Variants in SEMA4F observed in about 807,000 individuals in gnomAD.
The protein encoded by SEMA4F is semaphorin-4F.
In SEMA4F, 51 loss-of-function variants were observed where a neutral mutation model predicts 78.4. That is an observed-to-expected ratio of 0.65 (90% CI 0.52 to 0.82). The LOEUF is 0.82. Among genes scored for constraint, SEMA4F ranks in the 40% least tolerant of loss-of-function variants. SEMA4F has a pLI of 0.00. For missense variants in SEMA4F, 938 were observed against 1,014.4 expected, an observed-to-expected ratio of 0.92 and a Z score of 1.02; for synonymous variants, 418 against 408.7, an observed-to-expected ratio of 1.02 and a Z score of -0.27.
In SEMA4F at chr2:74,673,670, T is replaced by G; in HGVS notation, c.671-7T>G. 1 of 1,613,534 alleles carries G rather than the reference T, an allele frequency of 6.2e-7. No homozygotes were observed. The highest frequency in any genetic ancestry group is 1.3e-5 in the African/African-American group (1 of 75,048). ...CTGTGAGGATCTGAGGCCACTGGTA[T>G]TCCCAGCCCCAGCCTTTGTCGCAGC... On this transcript the variant is annotated splice_polypyrimidine_tract_variant and splice_region_variant and intron_variant, in intron 6 of 13. Transcript: ENST00000357877.
chr2:74,666,640 T>A lies in SEMA4F; in HGVS notation c.550+3815T>A, dbSNP rs11126437. 8.0e-3 allele frequency among the ~76,000 whole-genome samples: 1,219 copies of A among 152,306 alleles called. 23 individuals are homozygous for A. Among genetic ancestry groups the A allele is most frequent in the African/African-American group, 0.027 (1,136 of 41,552 alleles). On this transcript the variant is annotated intron_variant, in intron 5 of 13. Transcript: ENST00000357877. Reference sequence around the variant, plus strand: ...TTTAAAAGTTTTTCCTGGTCTGACATAAGTGCTAGCATTTACTTGGGGCTT... The same window carrying A: ...TTTAAAAGTTTTTCCTGGTCTGACAAAAGTGCTAGCATTTACTTGGGGCTT...
Position 74,656,646 on chromosome 2 carries a change from C to T in SEMA4F, c.258C>T (p.Phe86=), listed in dbSNP as rs144632103. 266 of 1,614,046 alleles carry T rather than the reference C, an allele frequency of 1.6e-4. 4 individuals are homozygous for T. The Admixed American group carries it at 2.9e-3, about 18-fold the overall frequency. The change falls in exon 2 of 14, where the codon TTC becomes TTT. Residue 86 remains phenylalanine (F), a synonymous_variant. Transcript: ENST00000357877. ...ATGTTGGCGCCCGGGACACCATCTT[C>T]GCTTTATCCCTGCCCTTCTCAGGGG... ...TLYVGARDTI[F]ALSLPFSGER...
At chr2:74,661,848 C>A (rs1369309627) in intron 4 of SEMA4F, among the ~76,000 whole-genome samples, 1 of 152,166 alleles carries the variant, frequency 6.6e-6, no homozygotes, top group Non-Finnish European at 1.5e-5. Flanking sequence ...CACCATATGC[C>A]CACGCCAGTT....
At chr2:74,669,673 C>T (rs1684879947) in intron 5 of SEMA4F, among the ~76,000 whole-genome samples, 1 of 152,168 alleles carries the variant, frequency 6.6e-6, no homozygotes, top group Non-Finnish European at 1.5e-5. Flanking sequence ...TTGTAACTCT[C>T]CTTTAAAAGG....
At position 74,679,654 on chromosome 2, in the gene SEMA4F, A is replaced by G. The variant is rs375908869; in HGVS notation, c.1758A>G (p.Pro586=). 12 of 1,612,826 alleles carry G rather than the reference A, an allele frequency of 7.4e-6. No individual in the cohort carries two copies. In the African/African-American group the frequency reaches 9.3e-5, roughly 13 times the overall value. Residue 586 remains proline (P), a synonymous_variant, in exon 14 of 14, where the codon CCA becomes CCG. Coordinates refer to ENST00000357877, the MANE Select transcript of SEMA4F (RefSeq NM_004263.5). ...PVATAAHVVL[P]CSPSSAWASC... is the part of the protein sequence containing the mutation. ...CTACAGCTGCGCATGTGGTCTTGCC[A>G]TGTTCTCCAAGCTCAGCATGGGCAT...
chr2:74,704,196 A>G, the SEMA4F span, among the ~76,000 whole-genome samples: 1 of 151,836 alleles, frequency 6.6e-6, no homozygotes, highest in African/African-American at 2.4e-5. Flanking sequence ...GGGGCCTTAG[A>G]TGAGTCACTA....
chr2:74,654,640 G>T, intron 1 of SEMA4F, 119 bp downstream of exon 1: 2 of 829,570 alleles, frequency 2.4e-6, no homozygotes, highest in Non-Finnish European at 3.5e-6. Flanking sequence ...GGCGTTTCAC[G>T]CCGCCCACGC....
the SEMA4F span, among the ~76,000 whole-genome samples, chr2:74,695,606 G>A: frequency 3.9e-5 from 6 of 152,206 alleles, no homozygotes; most frequent in Non-Finnish European, 5.9e-5. Context: ...GAAACAGGAC[G>A]CTGTATTAAA....
intron 1 of SEMA4F, chr2:74,655,247 T>C (rs1013414832): frequency 2.8e-6 from 1 of 360,168 alleles, no homozygotes; most frequent in Admixed American, 3.7e-5. Context: ...TGTAAAGTTC[T>C]GCTTAAATGA....
the SEMA4F span, among the ~76,000 whole-genome samples, chr2:74,689,072 C>T: frequency 6.6e-6 from 1 of 150,724 alleles, no homozygotes; most frequent in Non-Finnish European, 1.5e-5. Context: ...AAGGTGTGTT[C>T]CAAATCTGAG....
chr2:74,689,907 C>A, the SEMA4F span, among the ~76,000 whole-genome samples: 1 of 152,214 alleles, frequency 6.6e-6, no homozygotes. Context: ...ACAAAATGAC[C>A]GAGCAGCCTC....
chr2:74,704,903 T>C, the SEMA4F span, among the ~76,000 whole-genome samples: 1 of 152,162 alleles, frequency 6.6e-6, no homozygotes, highest in Non-Finnish European at 1.5e-5. Context: ...ACTGCAGATG[T>C]CTTTGTTCTC....
rs1333076489 is a variant in SEMA4F, at chr2:74,679,867, C to T, written c.1971C>T (p.His657=). ...GSQRDAPSRA[H]TVGAGLAGFF... ...AGCGAGATGCTCCGAGCCGGGCCCA[C>T]ACAGTGGGGGCGGGACTGGCTGGCT... The change falls in exon 14 of 14, where the codon CAC becomes CAT. Residue 657 remains histidine (H), a synonymous_variant. Transcript: ENST00000357877. The T allele has an allele frequency of 4.3e-6, 7 of 1,614,114 alleles. No homozygotes were observed. The highest frequency in any genetic ancestry group is 1.3e-5 in the African/African-American group (1 of 74,956).
chr2:74,703,450 C>T, the SEMA4F span, among the ~76,000 whole-genome samples: 2 of 152,308 alleles, frequency 1.3e-5, no homozygotes, highest in East Asian at 3.9e-4. Context: ...GAAAAGTCTC[C>T]TGAAGGGAGT....
the SEMA4F span, among the ~76,000 whole-genome samples, chr2:74,701,730 T>G: frequency 1.3e-5 from 2 of 152,194 alleles, no homozygotes; most frequent in Non-Finnish European, 2.9e-5. Flanking sequence ...AATTGGAGGA[T>G]TCTCACATCA....
chr2:74,658,615 G>A lies in SEMA4F; in HGVS notation c.456+664G>A, dbSNP rs1054848738. Among the ~76,000 whole-genome samples the A allele has an allele frequency of 2.0e-5, 3 of 152,226 alleles. No individual in the cohort carries two copies. The highest frequency in any genetic ancestry group is 7.2e-5 in the African/African-American group (3 of 41,452). ...CAGCCTCAAACACAGGCAGGCTTGG[G>A]ACATGTGTATCCTAATCACATCTAG... On this transcript the variant is annotated intron_variant, in intron 4 of 13. Transcript: ENST00000357877. The surrounding 1 kb of genome is among the most constrained non-coding windows in gnomAD (Gnocchi z 4.3).
chr2:74,656,301 T>C (rs1183592318), intron 1 of SEMA4F, among the ~76,000 whole-genome samples: 1 of 152,154 alleles, frequency 6.6e-6, no homozygotes, highest in African/African-American at 2.4e-5. Flanking sequence ...TGAGCAACCG[T>C]GTCCAGCTAG....
rs758693996 is a variant in SEMA4F at position 74,680,169 on chromosome 2, C to T, written c.2273C>T (p.Thr758Ile). The T allele has an allele frequency of 6.3e-7, 1 of 1,597,190 alleles. No homozygotes were observed. The highest frequency in any genetic ancestry group is 8.6e-7 in the Non-Finnish European group (1 of 1,167,866). ...CCAAGCCCAGCCCACATTCGGCTAA[C>T]TGGGGCTCCTCTAGCCACATGTGAT... ...PCPSPAHIRL[T>I]GAPLATCDET... Residue 758 changes from threonine (T) to isoleucine (I), a missense_variant, in exon 14 of 14, where the codon ACT (threonine) becomes ATT (isoleucine). Thr to Ile is a moderately conservative substitution (Grantham distance 89). Coordinates refer to ENST00000357877, the MANE Select transcript of SEMA4F (RefSeq NM_004263.5).
At chr2:74,656,743 T>G (rs538905419) in intron 2 of SEMA4F, 58 bp downstream of exon 2, 8 of 1,568,142 alleles carry the variant, frequency 5.1e-6, no homozygotes, top group Non-Finnish European at 2.6e-6. Context: ...AAATCTATGA[T>G]TTTATGAGTG....
Sources: gnomAD v4.1 joint callset for allele counts (sites outside exome capture counted in the v4.1 genomes callset) on GRCh38, gnomAD v4.1.1 for gene constraint, Gnocchi (gnomAD v3.1) non-coding constraint, MANE v1.5 for transcripts, NCBI Gene and HGNC (gene_info 2026-07-23, HGNC 2026-07-21) for gene names.